The following PLEKHA8 variants were observed in gnomAD, a reference collection of about 807,000 sequenced individuals.
The protein encoded by PLEKHA8 is pleckstrin homology domain containing A8.
In PLEKHA8, 36 loss-of-function variants were observed where a neutral mutation model predicts 68.2. The ratio of observed to expected loss-of-function variants is 0.53; its 90% CI spans 0.40 to 0.70. PLEKHA8 has a LOEUF of 0.70. Among genes scored for constraint, PLEKHA8 ranks in the 30% least tolerant of loss-of-function variants. PLEKHA8 has a pLI of 0.00. For synonymous variants in PLEKHA8, 211 were observed against 216.1 expected, an observed-to-expected ratio of 0.98 and a Z score of 0.20; for missense variants, 505 against 615.4, an observed-to-expected ratio of 0.82 and a Z score of 1.90.
At chr7:30,028,923 G>T in intron 1 of PLEKHA8, 121 bp downstream of exon 1, 1 of 1,094,458 alleles carries the variant, frequency 9.1e-7, no homozygotes, top group South Asian at 4.7e-5. Flanking sequence ...GGCCAGCGCG[G>T]AGCGGGAGTA....
chr7:30,109,586 CAAAAAAAAAAAA>C lies in PLEKHA8; in HGVS notation c.1363-19664_1363-19653del, dbSNP rs1166200858. 9.6e-4 allele frequency among the ~76,000 whole-genome samples: 40 copies of C among 41,620 alleles called. 5 individuals are homozygous for C. The highest frequency in any genetic ancestry group is 2.3e-3 in the African/African-American group (18 of 7,904). The allele number at this position is 41,620 out of a possible 152,430, so 27.3% of individuals were successfully genotyped here. On this transcript the variant is annotated intron_variant, in intron 13 of 13. Coordinates refer to the PLEKHA8 transcript ENST00000396257. ...CTGGGCAACGAGTGAAACTCTGTCT[CAAAAAAAAAAAA>C]AAAAAAAAAAAAAAAGAGAGAGAGA...
chr7:30,040,768 G>A (rs1360890591), intron 1 of PLEKHA8, among the ~76,000 whole-genome samples: 9 of 151,836 alleles, frequency 5.9e-5, no homozygotes, highest in East Asian at 5.8e-4. Flanking sequence ...CCGCTACCCC[G>A]TCCCTGGCAA....
At chr7:30,101,697 A>G (rs1795860165) in intron 13 of PLEKHA8, among the ~76,000 whole-genome samples, 1 of 152,208 alleles carries the variant, frequency 6.6e-6, no homozygotes, top group South Asian at 2.1e-4. Context: ...TCAGGGGAAA[A>G]TTTAATAAAA....
intron 9 of PLEKHA8, among the ~76,000 whole-genome samples, chr7:30,056,785 GTATATATA>G (rs1185665108): frequency 6.2e-4 from 51 of 82,350 alleles, no homozygotes; most frequent in African/African-American, 2.4e-3. Flanking sequence ...GTGTGTGTGT[GTATATATA>G]TATGTTATGT....
chr7:30,084,653 A>C, downstream of PLEKHA8: 1 of 907,754 alleles, frequency 1.1e-6, no homozygotes, highest in Non-Finnish European at 1.3e-6. Flanking sequence ...TTAAAGTATT[A>C]AGTTCTTAAA....
intron 11 of PLEKHA8, 79 bp from the exon 12 acceptor site, chr7:30,062,593 C>A: frequency 1.0e-6 from 1 of 996,438 alleles, no homozygotes; most frequent in Non-Finnish European, 1.6e-6. Flanking sequence ...GAAATGGAAG[C>A]TGATGTCTGC....
chr7:30,082,994 A>G lies in PLEKHA8; in HGVS notation c.*4207A>G, dbSNP rs1795020275. On this transcript the variant is annotated 3_prime_UTR_variant, in exon 14 of 14. Transcript: ENST00000449726. ...GCTTCTGATTTTAGTCACAGGTTTTACAAGTATTCAGCTCTCCCTCATGTT... is the reference window on the plus strand; with the variant it reads ...GCTTCTGATTTTAGTCACAGGTTTTGCAAGTATTCAGCTCTCCCTCATGTT... The G allele has an allele frequency of 2.0e-6, 2 of 985,242 alleles. No individual in the cohort carries two copies. The highest frequency in any genetic ancestry group is 1.2e-6 in the Non-Finnish European group (1 of 829,868). 61.0% of individuals were successfully genotyped at this position (985,242 alleles called of 1,614,324 possible). A position where few individuals can be genotyped will look rare whatever the true frequency, so the allele number is the denominator to read the frequency against.
intron 1 of PLEKHA8, among the ~76,000 whole-genome samples, chr7:30,043,185 T>C (rs1791675027): frequency 6.6e-6 from 1 of 152,140 alleles, no homozygotes; most frequent in African/African-American, 2.4e-5. Context: ...TTATTAGAGA[T>C]GGGTTTCGCC....
At chr7:30,074,808 G>A (rs944252436) in intron 13 of PLEKHA8, among the ~76,000 whole-genome samples, 6 of 151,914 alleles carry the variant, frequency 3.9e-5, no homozygotes, top group Non-Finnish European at 5.9e-5. Context: ...CATGTGTTTT[G>A]GCTCTGATTA....
chr7:30,119,672 C>T (rs1446359283), intron 13 of PLEKHA8, among the ~76,000 whole-genome samples: 1 of 152,274 alleles, frequency 6.6e-6, no homozygotes, highest in South Asian at 2.1e-4. Flanking sequence ...TCTGCCAAGA[C>T]ACATTTTATT....
In PLEKHA8 at chr7:30,046,197, G is replaced by A. The variant is rs1489832825; in HGVS notation, c.158-13G>A. The A allele has an allele frequency of 1.9e-6, 3 of 1,582,048 alleles. No homozygotes were observed. Among genetic ancestry groups the A allele is most frequent in the Non-Finnish European group, 2.6e-6 (3 of 1,163,974 alleles). On this transcript the variant is annotated splice_polypyrimidine_tract_variant and intron_variant, in intron 2 of 13. Transcript: ENST00000449726. ...TCTTCTGAGTCTCTGATCTCCCTCT[G>A]TCTTGCTCCCAGTTCATTCTGTAGA... is the stretch of plus-strand genomic sequence containing the variant.
chr7:30,028,767 A>T lies in PLEKHA8; in HGVS notation c.5A>T (p.Glu2Val). 7.9e-7 allele frequency: 1 copy of T among 1,268,624 alleles called. No homozygotes were observed. Among genetic ancestry groups the T allele is most frequent in the East Asian group, 3.1e-5 (1 of 32,782 alleles). The allele number at this position is 1,268,624 out of a possible 1,614,324, so 78.6% of individuals were successfully genotyped here. The change falls in exon 1 of 14, where the codon GAG (glutamate) becomes GTG (valine). Residue 2 changes from glutamate (E) to valine (V), a missense_variant. Glu to Val is a moderately radical substitution (Grantham distance 121). Transcript: ENST00000449726. M[E>V]GVLYKWTNYL... ...GGCCGAGTGGCCGCGGGCGCCATGG[A>T]GGGGGTGCTGTACAAGTGGACCAAC...
At chr7:30,042,433 T>C (rs1562856380) in intron 1 of PLEKHA8, among the ~76,000 whole-genome samples, 1 of 152,172 alleles carries the variant, frequency 6.6e-6, no homozygotes, top group Admixed American at 6.5e-5. Context: ...CTGTTCTAAA[T>C]GCCTTCTACA....
intron 7 of PLEKHA8, among the ~76,000 whole-genome samples, chr7:30,054,461 T>G (rs1446799275): frequency 1.3e-5 from 2 of 152,134 alleles, no homozygotes; most frequent in Non-Finnish European, 2.9e-5. Context: ...AAAATCATGT[T>G]TTTGAAGGGT....
In PLEKHA8 at chr7:30,115,824, G is replaced by GTATA. The variant is rs1562557978; in HGVS notation, c.1363-13442_1363-13441insTATA. 8.4e-4 allele frequency: 90 copies of GTATA among 106,904 alleles called. 8 individuals carry two copies. Among genetic ancestry groups the GTATA allele is most frequent in the African/African-American group, 3.3e-3 (85 of 25,462 alleles). The allele number at this position is 106,904 out of a possible 1,614,324, so 6.6% of individuals were successfully genotyped here. ...TGTATACACGCATGCATGTATACAT[G>GTATA]CGTGCACATACATGTATACACGTAT... On this transcript the variant is annotated intron_variant, in intron 13 of 13. Transcript: ENST00000396257.
intron 13 of PLEKHA8, among the ~76,000 whole-genome samples, chr7:30,105,365 T>C (rs888299528): frequency 2.7e-5 from 4 of 149,432 alleles, no homozygotes; most frequent in African/African-American, 9.9e-5. Flanking sequence ...ATGCCTATAG[T>C]TCCAGGTACT....
intron 1 of PLEKHA8, among the ~76,000 whole-genome samples, chr7:30,042,324 CTT>C (rs1215603699): frequency 2.0e-5 from 3 of 152,194 alleles, no homozygotes; most frequent in African/African-American, 7.2e-5. Context: ...CTTATAATAT[CTT>C]TACACAGACA....
chr7:30,038,944 A>G (rs1205586655), intron 1 of PLEKHA8, among the ~76,000 whole-genome samples: 1 of 152,052 alleles, frequency 6.6e-6, no homozygotes, highest in Non-Finnish European at 1.5e-5. Flanking sequence ...TGTAAAATTA[A>G]CATGAGGTAT....
At chr7:30,047,037 A>T (rs1032345809) in intron 3 of PLEKHA8, among the ~76,000 whole-genome samples, 3 of 152,142 alleles carry the variant, frequency 2.0e-5, no homozygotes, top group Non-Finnish European at 2.9e-5. Context: ...CCCTGAAGAG[A>T]TGAGCTAGGG....
Sources: allele counts gnomAD v4.1 joint callset (sites outside exome capture counted in the v4.1 genomes callset), GRCh38; gene constraint gnomAD v4.1.1; transcripts MANE v1.5; gene names NCBI Gene and HGNC (gene_info 2026-07-23, HGNC 2026-07-21).